MARK2: variants seen among roughly 807,000 people sequenced by gnomAD.
MARK2 encodes the protein serine/threonine-protein kinase MARK2.
MARK2 carries 16 observed loss-of-function variants against 89.8 expected under a neutral mutation model. The observed-to-expected ratio is 0.18, with a 90% CI of 0.12 to 0.27. The LOEUF (loss-of-function observed/expected upper bound fraction) is 0.27. Among genes scored for constraint, MARK2 ranks in the 10% least tolerant of loss-of-function variants. MARK2 has a pLI of 1.00. For missense variants in MARK2, 621 were observed against 1,049.9 expected (o/e 0.59, Z 5.65); for synonymous variants, 382 against 399.5 (o/e 0.96, Z 0.52).
chr11:63,888,542 T>A (rs1939553122), intron 1 of MARK2: 5 of 1,025,472 alleles, frequency 4.9e-6, no homozygotes, highest in Non-Finnish European at 5.9e-6. Flanking sequence ...TCTTTCTCTG[T>A]CTCCCTTCCT....
At chr11:63,843,540 A>G (rs1285364739) in intron 1 of MARK2, among the ~76,000 whole-genome samples, 1 of 152,188 alleles carries the variant, frequency 6.6e-6, no homozygotes, top group Non-Finnish European at 1.5e-5. Context: ...CAAAGTTACA[A>G]GATCCTATAA....
chr11:63,854,378 G>GTTTTTTT (rs61469139), intron 1 of MARK2, among the ~76,000 whole-genome samples: 1 of 108,804 alleles, frequency 9.2e-6, no homozygotes, highest in Non-Finnish European at 1.9e-5. Flanking sequence ...TTTTCTATTT[G>GTTTTTTT]TTTTTTTTTT....
At chr11:63,876,421 C>T (rs1938758872) in intron 1 of MARK2, among the ~76,000 whole-genome samples, 1 of 152,202 alleles carries the variant, frequency 6.6e-6, no homozygotes, top group Non-Finnish European at 1.5e-5. Flanking sequence ...GTTGTCCGTG[C>T]TTTAGATGGT....
At position 63,902,449 on chromosome 11, in the gene MARK2, T is replaced by C. The variant is rs147467701; in HGVS notation, c.1234+119T>C. The C allele has an allele frequency of 3.7e-4, 526 of 1,431,798 alleles. 1 individual carries two copies. The African/African-American group carries it at 6.1e-3, about 16-fold the overall frequency. The allele number at this position is 1,431,798 out of a possible 1,614,324, so 88.7% of individuals were successfully genotyped here. A position where few individuals can be genotyped will look rare whatever the true frequency, so the allele number is the denominator to read the frequency against. On this transcript the variant is annotated intron_variant, in intron 12 of 18. Transcript: ENST00000402010. The surrounding 1 kb of genome is among the most constrained non-coding windows in gnomAD (Gnocchi z 4.2). ...TCCTGGTTCAGCCACTTATTAGTAG[T>C]GTGGCTATGGGCAAGCCACTTCCCT...
intron 1 of MARK2, among the ~76,000 whole-genome samples, chr11:63,864,558 C>A (rs1433260931): frequency 1.3e-5 from 2 of 151,774 alleles, no homozygotes; most frequent in Non-Finnish European, 2.9e-5. Flanking sequence ...CCGTGCCTGG[C>A]TTTATTTTTA....
intron 1 of MARK2, among the ~76,000 whole-genome samples, chr11:63,853,903 C>T (rs748824206): frequency 6.6e-6 from 1 of 151,916 alleles, no homozygotes; most frequent in Non-Finnish European, 1.5e-5. Flanking sequence ...AACAGAGTCT[C>T]ACTCTGTCTC....
chr11:63,887,020 G>C (rs933438425), intron 1 of MARK2, among the ~76,000 whole-genome samples: 1 of 152,240 alleles, frequency 6.6e-6, no homozygotes, highest in Non-Finnish European at 1.5e-5. Context: ...ACTTTTGGGG[G>C]GCTGGGAAAA....
chr11:63,862,664 C>T (rs1217500937), intron 1 of MARK2, among the ~76,000 whole-genome samples: 1 of 152,178 alleles, frequency 6.6e-6, no homozygotes, highest in Non-Finnish European at 1.5e-5. Context: ...TTCTGATTCA[C>T]ATCTTTATCT....
At chr11:63,896,275 CA>C in intron 3 of MARK2, among the ~76,000 whole-genome samples, 2 of 152,302 alleles carry the variant, frequency 1.3e-5, no homozygotes, top group Middle Eastern at 3.4e-3. Flanking sequence ...CAGCCCTATG[CA>C]AAAACACATG....
chr11:63,910,029 ATCT>A lies in MARK2; in HGVS notation c.*796_*798del, dbSNP rs1204605225. 2 of 152,324 alleles carry A rather than the reference ATCT, an allele frequency of 1.3e-5. No individual in the cohort carries two copies. The highest frequency in any genetic ancestry group is 6.5e-5 in the Admixed American group (1 of 15,286). 9.4% of individuals were successfully genotyped at this position (152,324 alleles called of 1,614,324 possible). ...CGTGTGTTCCCTCAAAGTCTGTGCC[ATCT>A]TCTCCCACCCCTCCCGGGTAGAAGG... is the stretch of plus-strand genomic sequence containing the variant. On this transcript the variant is annotated 3_prime_UTR_variant, in exon 19 of 19. Coordinates refer to ENST00000402010, the MANE Select transcript of MARK2 (RefSeq NM_001039469.3).
At chr11:63,905,111 G>C in intron 16 of MARK2, 68 bp downstream of exon 16, 1 of 1,459,070 alleles carries the variant, frequency 6.9e-7, no homozygotes, top group Non-Finnish European at 9.4e-7. Flanking sequence ...GGGGTGGGTT[G>C]GGGGTTGGGG....
intron 3 of MARK2, among the ~76,000 whole-genome samples, chr11:63,897,469 G>C (rs1940506276): frequency 1.3e-5 from 2 of 152,182 alleles, no homozygotes; most frequent in South Asian, 4.1e-4. Context: ...TCTTGAATTA[G>C]GGCTTCCCCT....
At chr11:63,870,103 C>T (rs1310005176) in intron 1 of MARK2, among the ~76,000 whole-genome samples, 6 of 152,182 alleles carry the variant, frequency 3.9e-5, no homozygotes, top group South Asian at 2.1e-4. Flanking sequence ...CAGCCCTCAA[C>T]GGCAGAAGGC....
chr11:63,881,642 G>T lies in MARK2; in HGVS notation c.55-13517G>T, dbSNP rs184957140. On this transcript the variant is annotated intron_variant, in intron 1 of 18. Coordinates refer to ENST00000402010, the MANE Select transcript of MARK2 (RefSeq NM_001039469.3). Reference sequence around the variant, plus strand: ...GAGCATGAGGGGGTTAAGGTATGGGGACACAAACAAGAAATCAATGGGGCT... The same window carrying T: ...GAGCATGAGGGGGTTAAGGTATGGGTACACAAACAAGAAATCAATGGGGCT... Among the ~76,000 whole-genome samples, 506 of 152,008 alleles carry T rather than the reference G, an allele frequency of 3.3e-3. 3 individuals are homozygous for T. Among genetic ancestry groups the T allele is most frequent in the African/African-American group, 0.011 (468 of 41,472 alleles).
At chr11:63,884,339 AG>A (rs1821081010) in intron 1 of MARK2, among the ~76,000 whole-genome samples, 1 of 152,232 alleles carries the variant, frequency 6.6e-6, no homozygotes, top group Non-Finnish European at 1.5e-5. Context: ...TGTGGCTTCC[AG>A]GCCTGAAGGA....
intron 1 of MARK2, among the ~76,000 whole-genome samples, chr11:63,846,195 C>G (rs564365921): frequency 1.3e-5 from 2 of 152,044 alleles, no homozygotes; most frequent in African/African-American, 4.8e-5. Context: ...ATCCCTTTAT[C>G]TTCATATCTG....
At chr11:63,866,510 T>G (rs1266740579) in intron 1 of MARK2, among the ~76,000 whole-genome samples, 1 of 152,222 alleles carries the variant, frequency 6.6e-6, no homozygotes, top group Non-Finnish European at 1.5e-5. Context: ...ATGTTAAACC[T>G]TCATTATGAC....
Position 63,895,348 on chromosome 11 carries a change from G to C in MARK2, c.234+10G>C. 1 of 1,610,872 alleles carries C rather than the reference G, an allele frequency of 6.2e-7. No homozygotes were observed. Among genetic ancestry groups the C allele is most frequent in the Non-Finnish European group, 8.5e-7 (1 of 1,177,602 alleles). On this transcript the variant is annotated intron_variant, in intron 2 of 18. Transcript: ENST00000402010. ...CCTGACTGGGAAAGAGGTGAGCACT[G>C]GGACTGGGGACATGGCAGCACCTCC...
intron 1 of MARK2, among the ~76,000 whole-genome samples, chr11:63,884,165 GC>G (rs1245994108): frequency 6.6e-6 from 1 of 152,234 alleles, no homozygotes; most frequent in African/African-American, 2.4e-5. Flanking sequence ...GGCAACAGTA[GC>G]TGGGGATTTA....
Sources: allele counts gnomAD v4.1 joint callset (sites outside exome capture counted in the v4.1 genomes callset), GRCh38; gene constraint gnomAD v4.1.1; non-coding constraint Gnocchi (gnomAD v3.1); transcripts MANE v1.5; gene names NCBI Gene and HGNC (gene_info 2026-07-23, HGNC 2026-07-21).